Variants in RBM4B observed in about 807,000 individuals in gnomAD.
RBM4B encodes the protein RNA binding motif protein 4B, also known as RNA-binding protein 4B.
A neutral mutation model predicts 28.5 loss-of-function variants in RBM4B; 13 were observed. The ratio of observed to expected loss-of-function variants is 0.46; its 90% CI spans 0.30 to 0.72. The LOEUF (loss-of-function observed/expected upper bound fraction) is 0.72, where lower values mean the gene tolerates loss of function less well. Ranked by LOEUF, RBM4B falls within the 30% of genes least tolerant of loss-of-function variation. The pLI is 0.09. For synonymous variants in RBM4B, 167 were observed against 179.1 expected (o/e 0.93, Z 0.54); for missense variants, 387 against 477.6 (o/e 0.81, Z 1.77).
chr11:66,670,196 T>C (rs138631521), intron 2 of RBM4B, among the ~76,000 whole-genome samples: 10 of 152,256 alleles, frequency 6.6e-5, no homozygotes, highest in African/African-American at 2.2e-4. Context: ...CTGGGAGTTA[T>C]AAGACCTTTC....
At chr11:66,673,756 C>T (rs1939546383) in intron 2 of RBM4B, among the ~76,000 whole-genome samples, 2 of 152,270 alleles carry the variant, frequency 1.3e-5, no homozygotes, top group South Asian at 2.1e-4. Context: ...CCACCTCACC[C>T]GGGCTCAAGT....
At chr11:66,675,906 C>G (rs1290698634) in intron 2 of RBM4B, 1 of 152,232 alleles carries the variant, frequency 6.6e-6, no homozygotes, top group Non-Finnish European at 1.5e-5. Context: ...TAGCACAGTT[C>G]TAGAGTCTTC....
chr11:66,672,510 G>GA (rs1013722476), intron 2 of RBM4B, among the ~76,000 whole-genome samples: 1 of 150,738 alleles, frequency 6.6e-6, no homozygotes, highest in Non-Finnish European at 1.5e-5. Flanking sequence ...TTTTTTGGGG[G>GA]GGGGGGACAG....
At position 66,665,322 on chromosome 11, in the gene RBM4B, G is replaced by A; in HGVS notation, c.*266C>T. On this transcript the variant is annotated 3_prime_UTR_variant, in exon 4 of 4. Transcript: ENST00000310046. ...GAGGGGTTCCACTGCACAGGAAAAAGGGGATGCCAGCATAATCCTTACCTA... is the reference window on the plus strand; with the variant it reads ...GAGGGGTTCCACTGCACAGGAAAAAAGGGATGCCAGCATAATCCTTACCTA... The A allele has an allele frequency of 3.8e-6, 2 of 530,658 alleles. No homozygotes were observed. Among genetic ancestry groups the A allele is most frequent in the Non-Finnish European group, 6.7e-6 (2 of 297,848 alleles). The allele number at this position is 530,658 out of a possible 1,614,324, so 32.9% of individuals were successfully genotyped here.
rs1939193662 is a variant in RBM4B at position 66,665,567 on chromosome 11, C to CAA, written c.*19_*20dup. The CAA allele has an allele frequency of 3.9e-6, 6 of 1,535,210 alleles. No individual in the cohort carries two copies. The highest frequency in any genetic ancestry group is 5.2e-6 in the Non-Finnish European group (6 of 1,146,264). Reference sequence around the variant, plus strand: ...GACCGCAGCCCGAGGGTTCAGTCCGCAATTATCCTACCTGAAAGAGAGCAC... The same window carrying CAA: ...GACCGCAGCCCGAGGGTTCAGTCCGCAAAATTATCCTACCTGAAAGAGAGCAC... On this transcript the variant is annotated 3_prime_UTR_variant, in exon 4 of 4. Coordinates refer to ENST00000310046, the MANE Select transcript of RBM4B (RefSeq NM_031492.4).
At chr11:66,666,129 G>A (rs1939224333) in intron 3 of RBM4B, 1 of 763,360 alleles carries the variant, frequency 1.3e-6, no homozygotes, top group Non-Finnish European at 2.0e-6. Flanking sequence ...CACAGAGTGA[G>A]AGCCACAGTT....
At chr11:66,676,369 G>A (rs1041105901) in intron 2 of RBM4B, 4 of 530,280 alleles carry the variant, frequency 7.5e-6, no homozygotes, top group African/African-American at 5.7e-5. Flanking sequence ...TGAGGTACTC[G>A]TTTCCCCAAG....
chr11:66,665,734 T>C (rs909430648), intron 3 of RBM4B, 156 bp from the exon 4 acceptor site: 1 of 1,348,996 alleles, frequency 7.4e-7, no homozygotes, highest in Non-Finnish European at 1.0e-6. Flanking sequence ...CCCATGTAAT[T>C]ACCTAGGAGT....
intron 2 of RBM4B, 52 bp from the exon 3 acceptor site, chr11:66,669,343 T>C: frequency 5.8e-6 from 9 of 1,541,518 alleles, no homozygotes; most frequent in Non-Finnish European, 8.0e-6. Flanking sequence ...GACATTCTTT[T>C]TCCTCTCCTC....
In RBM4B at chr11:66,668,897, A is replaced by T. The variant is rs765336366; in HGVS notation, c.807T>A (p.Asp269Glu). Residue 269 changes from aspartate to glutamate, a missense_variant, in exon 3 of 4, where the codon GAT (aspartate) becomes GAA (glutamate). By Grantham distance (45) the Asp-to-Glu change is conservative (BLOSUM62 2). Transcript: ENST00000310046. ...VTSHLNSTSV[D>E]PYDRHLLPNS... Reference sequence around the variant, plus strand: ...TTGGCAATAGGTGTCTGTCATAGGGATCAACAGAAGTAGAGTTGAGGTGGC... The same window carrying T: ...TTGGCAATAGGTGTCTGTCATAGGGTTCAACAGAAGTAGAGTTGAGGTGGC... 1.2e-5 allele frequency: 20 copies of T among 1,614,042 alleles called. No homozygotes were observed. Among genetic ancestry groups the T allele is most frequent in the Non-Finnish European group, 1.6e-5 (19 of 1,180,030 alleles).
At chr11:66,672,296 G>A (rs1014191542) in intron 2 of RBM4B, among the ~76,000 whole-genome samples, 1 of 149,218 alleles carries the variant, frequency 6.7e-6, no homozygotes, top group Admixed American at 6.8e-5. Flanking sequence ...TGCAGTCCCA[G>A]CTACTTGGGA....
rs774839109 is a variant in RBM4B, at chr11:66,669,175, C to G, written c.529G>C (p.Val177Leu). 6.2e-7 allele frequency: 1 copy of G among 1,614,210 alleles called. No individual in the cohort carries two copies. The highest frequency in any genetic ancestry group is 1.1e-5 in the South Asian group (1 of 91,084). ...TCTGCCACACGACCCGTACGATCTA[C>G]TGGGCACTCTTTGGACCAGTGCCCT... Reference protein sequence around the residue: ...KEGHWSKECPVDRTGRVADFT... With the variant: ...KEGHWSKECPLDRTGRVADFT... The change falls in exon 3 of 4, where the codon GTA becomes CTA. Residue 177 changes from valine (V) to leucine (L), a missense_variant. Physicochemically the swap from Val to Leu is conservative, Grantham distance 32. Coordinates refer to ENST00000310046, the MANE Select transcript of RBM4B (RefSeq NM_031492.4).
At chr11:66,674,691 C>T (rs1380444356) in intron 2 of RBM4B, among the ~76,000 whole-genome samples, 1 of 152,012 alleles carries the variant, frequency 6.6e-6, no homozygotes, top group Non-Finnish European at 1.5e-5. Context: ...TCTCAGCCTC[C>T]CGAGTAGCTG....
intron 2 of RBM4B, chr11:66,675,642 A>C (rs1360140692): frequency 6.6e-6 from 1 of 152,204 alleles, no homozygotes; most frequent in Admixed American, 6.5e-5. Context: ...AAAGGTGTTG[A>C]CTTAGGAACC....
intron 2 of RBM4B, among the ~76,000 whole-genome samples, chr11:66,671,993 C>T (rs1225852451): frequency 3.3e-5 from 5 of 152,080 alleles, no homozygotes; most frequent in African/African-American, 4.8e-5. Flanking sequence ...GTGATCCACC[C>T]GCCTCAGCCC....
intron 2 of RBM4B, among the ~76,000 whole-genome samples, chr11:66,672,848 A>G (rs1939512816): frequency 1.3e-5 from 2 of 152,302 alleles, no homozygotes; most frequent in Non-Finnish European, 2.9e-5. Flanking sequence ...GAAAAAGACT[A>G]TGCCTCTCTA....
intron 2 of RBM4B, 83 bp downstream of exon 2, chr11:66,676,585 C>T (rs990551850): frequency 2.0e-6 from 3 of 1,467,016 alleles, no homozygotes; most frequent in African/African-American, 2.8e-5. Context: ...AGAGACCACC[C>T]AGCAAGTTCT....
At position 66,668,969 on chromosome 11, in the gene RBM4B, C is replaced by G. The variant is rs368007657; in HGVS notation, c.735G>C (p.Glu245Asp). The G allele has an allele frequency of 5.6e-6, 9 of 1,614,092 alleles. No individual in the cohort carries two copies. Among genetic ancestry groups the G allele is most frequent in the Admixed American group, 5.0e-5 (3 of 60,010 alleles). The change falls in exon 3 of 4, where the codon GAG becomes GAC. Residue 245 changes from glutamate (E) to aspartate (D), a missense_variant. Transcript: ENST00000310046. ...AAAASAYNYA[E>D]QTMSHLPQVQ... Reference sequence around the variant, plus strand: ...CTTGAGGCAGATGGGACATGGTCTGCTCTGCGTAGTTGTATGCAGAAGCCG... The same window carrying G: ...CTTGAGGCAGATGGGACATGGTCTGGTCTGCGTAGTTGTATGCAGAAGCCG...
chr11:66,675,021 G>A (rs527865347), intron 2 of RBM4B, among the ~76,000 whole-genome samples: 1 of 152,262 alleles, frequency 6.6e-6, no homozygotes, highest in African/African-American at 2.4e-5. Flanking sequence ...CCATCATGAT[G>A]ATTTCCCCCA....
Sources: allele counts gnomAD v4.1 joint callset (sites outside exome capture counted in the v4.1 genomes callset), GRCh38; gene constraint gnomAD v4.1.1; transcripts MANE v1.5; gene names NCBI Gene and HGNC (gene_info 2026-07-23, HGNC 2026-07-21).